The following CNNM4 variants were observed in gnomAD, a reference collection of about 807,000 sequenced individuals.
CNNM4 encodes the protein cyclin and CBS domain divalent metal cation transport mediator 4.
A neutral mutation model predicts 53.7 loss-of-function variants in CNNM4; 32 were observed. The ratio of observed to expected loss-of-function variants is 0.60; its 90% CI spans 0.45 to 0.80. The LOEUF (loss-of-function observed/expected upper bound fraction) is 0.80, where lower values mean the gene tolerates loss of function less well. Ranked by LOEUF, CNNM4 falls within the 30% of genes least tolerant of loss-of-function variation. The pLI, the probability that CNNM4 is intolerant of heterozygous loss-of-function variation, is 0.00. For missense variants in CNNM4, 784 were observed against 1,022.0 expected (o/e 0.77, Z 3.17); for synonymous variants, 410 against 440.0 (o/e 0.93, Z 0.85).
chr2:96,772,059 C>T (rs553458506), intron 1 of CNNM4, among the ~76,000 whole-genome samples: 26 of 152,172 alleles, frequency 1.7e-4, no homozygotes, highest in African/African-American at 6.0e-4. Flanking sequence ...TTCCCAGGCT[C>T]TCTGGAACGC....
At chr2:96,787,953 C>T (rs569052929) in intron 1 of CNNM4, among the ~76,000 whole-genome samples, 2 of 152,324 alleles carry the variant, frequency 1.3e-5, no homozygotes, top group Non-Finnish European at 2.9e-5. Flanking sequence ...GACAGAGTCT[C>T]GCTGTGTTGC....
intron 5 of CNNM4, among the ~76,000 whole-genome samples, chr2:96,804,303 C>T (rs2079182700): frequency 6.7e-6 from 1 of 149,942 alleles, no homozygotes; most frequent in South Asian, 2.1e-4. Context: ...GATCTTGGCT[C>T]CCTGCAACCT....
intron 1 of CNNM4, among the ~76,000 whole-genome samples, chr2:96,785,141 G>A (rs915859229): frequency 1.3e-5 from 2 of 152,032 alleles, no homozygotes; most frequent in Non-Finnish European, 1.5e-5. Flanking sequence ...GCCTCCCAAC[G>A]TGCTGGGATT....
At chr2:96,769,767 C>T (rs558299770) in intron 1 of CNNM4, among the ~76,000 whole-genome samples, 6 of 152,272 alleles carry the variant, frequency 3.9e-5, no homozygotes, top group African/African-American at 4.8e-5. Flanking sequence ...GGGTGCCCAG[C>T]GAGAGCAGCC....
chr2:96,767,454 T>C (rs868031739), intron 1 of CNNM4, among the ~76,000 whole-genome samples: 3 of 152,240 alleles, frequency 2.0e-5, no homozygotes, highest in African/African-American at 7.2e-5. Context: ...CTGCCCCAGT[T>C]TGTGTTTTGC....
chr2:96,772,603 A>C (rs2153345275), intron 1 of CNNM4, among the ~76,000 whole-genome samples: 1 of 137,380 alleles, frequency 7.3e-6, no homozygotes. Flanking sequence ...GCTCACTCAC[A>C]CATGCGCACA....
chr2:96,797,931 G>A lies in CNNM4; in HGVS notation c.1681+284G>A, dbSNP rs2153349454. Among the ~76,000 whole-genome samples the A allele has an allele frequency of 6.6e-6, 1 of 152,312 alleles. No homozygotes were observed. The highest frequency in any genetic ancestry group is 2.4e-5 in the African/African-American group (1 of 41,556). ...TGACTAGGCACTATGGCTTATACCTGTAATCCCAGCACTTTGGGAGGCCGA... is the reference window on the plus strand; with the variant it reads ...TGACTAGGCACTATGGCTTATACCTATAATCCCAGCACTTTGGGAGGCCGA... On this transcript the variant is annotated intron_variant, in intron 3 of 6. Transcript: ENST00000377075. This position sits in a 1 kb window ranked among gnomAD's most constrained non-coding sequence, Gnocchi z 6.0.
intron 1 of CNNM4, among the ~76,000 whole-genome samples, chr2:96,780,419 CTTTT>C (rs796619515): frequency 7.1e-6 from 1 of 139,924 alleles, no homozygotes; most frequent in Non-Finnish European, 1.6e-5. Flanking sequence ...CTTGCTCTCC[CTTTT>C]TTTTTTTTTT....
rs374638753 is a variant in CNNM4, at chr2:96,806,535, A to ACACGCG, written c.1949-2025_1949-2024insACGCGC. Among the ~76,000 whole-genome samples the ACACGCG allele has an allele frequency of 1.0e-2, 1,237 of 123,848 alleles. 12 individuals carry two copies. The highest frequency in any genetic ancestry group is 0.025 in the Middle Eastern group (6 of 238). 81.2% of individuals were successfully genotyped at this position (123,848 alleles called of 152,430 possible). A position where few individuals can be genotyped will look rare whatever the true frequency, so the allele number is the denominator to read the frequency against. On this transcript the variant is annotated intron_variant, in intron 5 of 6. Transcript: ENST00000377075. ...CACACACACACACACACACACACAC[A>ACACGCG]CGCGCGCGCGCGCGCGCGCCCTTAG...
chr2:96,803,285 C>T (rs745919943), intron 5 of CNNM4, among the ~76,000 whole-genome samples: 2 of 152,274 alleles, frequency 1.3e-5, no homozygotes, highest in Non-Finnish European at 2.9e-5. Context: ...TAATTCTCCA[C>T]TTTACGCTTT....
intron 5 of CNNM4, among the ~76,000 whole-genome samples, chr2:96,806,177 G>A (rs1314042227): frequency 6.6e-6 from 1 of 152,022 alleles, no homozygotes; most frequent in Admixed American, 6.6e-5. Flanking sequence ...CGGGCGGGGG[G>A]CTGACACCTT....
intron 1 of CNNM4, among the ~76,000 whole-genome samples, chr2:96,774,118 C>T (rs932352516): frequency 5.9e-5 from 9 of 152,260 alleles, no homozygotes; most frequent in East Asian, 5.8e-4. Context: ...ATCCATGTTC[C>T]GACTGCAGGA....
intron 4 of CNNM4, 114 bp downstream of exon 4, chr2:96,799,340 G>A: frequency 1.4e-6 from 2 of 1,421,452 alleles, no homozygotes; most frequent in East Asian, 2.3e-5. Flanking sequence ...TGGGGAGCCT[G>A]CTGCCTGCCC....
In CNNM4 at chr2:96,761,426, G is replaced by A. The variant is rs2078760950; in HGVS notation, c.427G>A (p.Glu143Lys). 1.2e-6 allele frequency: 2 copies of A among 1,613,994 alleles called. No homozygotes were observed. Among genetic ancestry groups the A allele is most frequent in the African/African-American group, 1.3e-5 (1 of 74,934 alleles). ...GCTCACCAAGTTCCTCCGGAGGAGC[G>A]AGAGCATGAAGCTGTATGCACTGTG... ...VVLTKFLRRSESMKLYALCTR... is the reference protein window; with the variant it reads ...VVLTKFLRRSKSMKLYALCTR... The change falls in exon 1 of 7, where the codon GAG becomes AAG. Residue 143 changes from glutamate (E) to lysine (K), a missense_variant. Glu to Lys is a moderately conservative substitution (Grantham distance 56). This residue lies in a region of CNNM4 where 473 missense variants were observed against 624.6 expected (regional missense o/e 0.76). Coordinates refer to ENST00000377075, the MANE Select transcript of CNNM4 (RefSeq NM_020184.4). This position sits in a 1 kb window ranked among gnomAD's most constrained non-coding sequence, Gnocchi z 6.0.
chr2:96,801,130 C>G lies in CNNM4; in HGVS notation c.1948+1482C>G, dbSNP rs1315537348. The G allele has an allele frequency of 2.0e-6, 2 of 985,266 alleles. No homozygotes were observed. Among genetic ancestry groups the G allele is most frequent in the Non-Finnish European group, 2.4e-6 (2 of 829,918 alleles). 61.0% of individuals were successfully genotyped at this position (985,266 alleles called of 1,614,324 possible). A position where few individuals can be genotyped will look rare whatever the true frequency, so the allele number is the denominator to read the frequency against. ...AGCGGAACTCCCTGCTCTGCTGGCTCACAGGTAACGTGGCACAGCTGAGGG... is the reference window on the plus strand; with the variant it reads ...AGCGGAACTCCCTGCTCTGCTGGCTGACAGGTAACGTGGCACAGCTGAGGG... On this transcript the variant is annotated intron_variant, in intron 5 of 6. Coordinates refer to ENST00000377075, the MANE Select transcript of CNNM4 (RefSeq NM_020184.4). The surrounding 1 kb of genome is among the most constrained non-coding windows in gnomAD (Gnocchi z 5.6).
intron 5 of CNNM4, among the ~76,000 whole-genome samples, chr2:96,806,553 G>GCC (rs1553479699): frequency 6.7e-6 from 1 of 148,684 alleles, no homozygotes; most frequent in Non-Finnish European, 1.5e-5. Context: ...GCGCGCGCGC[G>GCC]CCCTTAGTTA....
intron 1 of CNNM4, among the ~76,000 whole-genome samples, chr2:96,792,268 A>C (rs2079068796): frequency 6.6e-6 from 1 of 151,242 alleles, no homozygotes; most frequent in Admixed American, 6.6e-5. Context: ...AAAACCACAC[A>C]CACACAAAAA....
intron 1 of CNNM4, among the ~76,000 whole-genome samples, chr2:96,791,985 A>C (rs921978904): frequency 2.0e-5 from 3 of 151,744 alleles, no homozygotes; most frequent in Non-Finnish European, 4.4e-5. Context: ...GGTTCAAGCA[A>C]TTCTGCGCCT....
chr2:96,803,688 T>G (rs1305297721), intron 5 of CNNM4, among the ~76,000 whole-genome samples: 1 of 151,652 alleles, frequency 6.6e-6, no homozygotes, highest in East Asian at 1.9e-4. Context: ...ATCGTGCCAT[T>G]GCGCTCTAGC....
Sources: gnomAD v4.1 joint callset for allele counts (sites outside exome capture counted in the v4.1 genomes callset) on GRCh38, gnomAD v4.1.1 for gene constraint, gnomAD v4.1.1 regional missense constraint, Gnocchi (gnomAD v3.1) non-coding constraint, MANE v1.5 for transcripts, NCBI Gene and HGNC (gene_info 2026-07-23, HGNC 2026-07-21) for gene names.